Variants in PEPD observed in about 807,000 individuals in gnomAD.
The protein encoded by PEPD is xaa-Pro dipeptidase.
A neutral mutation model predicts 60.7 loss-of-function variants in PEPD; 53 were observed. That is an observed-to-expected ratio of 0.87 (90% confidence interval 0.70 to 1.10). The LOEUF is 1.10. Among genes scored for constraint, PEPD ranks in the 50% least tolerant of loss-of-function variants. The probability of loss-of-function intolerance (pLI) is 0.00; values close to 1 mark genes in which losing one functional copy is unlikely to be tolerated. For synonymous variants in PEPD, 267 were observed against 284.1 expected, an observed-to-expected ratio of 0.94 and a Z score of 0.60; for missense variants, 711 against 711.9, an observed-to-expected ratio of 1.00 and a Z score of 0.01.
intron 4 of PEPD, among the ~76,000 whole-genome samples, chr19:33,496,048 C>T (rs1284335721): frequency 6.6e-6 from 1 of 152,122 alleles, no homozygotes; most frequent in East Asian, 1.9e-4. Flanking sequence ...TCAGCCCCTC[C>T]TGAAGGAAGG....
chr19:33,402,716 CAG>C (rs1036292826), intron 11 of PEPD, among the ~76,000 whole-genome samples: 1 of 152,220 alleles, frequency 6.6e-6, no homozygotes, highest in African/African-American at 2.4e-5. Context: ...CGGTGGCAGG[CAG>C]AGACCAGCAG....
rs549613186 is a variant in PEPD, at chr19:33,486,350, G to C, written c.503+3646C>G. Reference sequence around the variant, plus strand: ...CCTGCCAGAGCCCGCAGCAAAGCCTGCTCTTCCCAAATCTTCCTTGGGACT... The same window carrying C: ...CCTGCCAGAGCCCGCAGCAAAGCCTCCTCTTCCCAAATCTTCCTTGGGACT... On this transcript the variant is annotated intron_variant, in intron 6 of 14. Coordinates refer to ENST00000244137, the MANE Select transcript of PEPD (RefSeq NM_000285.4). 6.9e-4 allele frequency among the ~76,000 whole-genome samples: 104 copies of C among 150,308 alleles called. 1 individual carries two copies. In the South Asian group the frequency reaches 0.018, roughly 27 times the overall value.
At chr19:33,480,813 C>CAT (rs112166206) in intron 6 of PEPD, among the ~76,000 whole-genome samples, 3 of 127,748 alleles carry the variant, frequency 2.3e-5, no homozygotes, top group African/African-American at 9.8e-5. Flanking sequence ...ATATATATAG[C>CAT]GTGTGTGTGT....
chr19:33,441,601 A>G (rs1050488177), intron 9 of PEPD, among the ~76,000 whole-genome samples: 1 of 152,202 alleles, frequency 6.6e-6, no homozygotes, highest in African/African-American at 2.4e-5. Context: ...CCCTTCACTC[A>G]GGAGCATTTA....
At chr19:33,463,105 T>C in intron 8 of PEPD, 64 bp from the exon 9 acceptor site, 2 of 962,288 alleles carry the variant, frequency 2.1e-6, no homozygotes, top group Non-Finnish European at 3.4e-6. Flanking sequence ...GCGTGATAAA[T>C]AACATACAGC....
At chr19:33,388,273 C>T (rs1435506442) in intron 13 of PEPD, 192 bp from the exon 14 acceptor site, 2 of 697,768 alleles carry the variant, frequency 2.9e-6, no homozygotes, top group East Asian at 2.7e-5. Context: ...CTGCACATAC[C>T]CCTGGATCTT....
intron 6 of PEPD, among the ~76,000 whole-genome samples, chr19:33,480,936 A>C (rs939972931): frequency 1.3e-5 from 2 of 152,162 alleles, no homozygotes; most frequent in Non-Finnish European, 1.5e-5. Flanking sequence ...TCCAGGATAC[A>C]CTTTATGTTA....
At position 33,387,498 on chromosome 19, in the gene PEPD, GAC is replaced by G. The variant is rs750965279; in HGVS notation, c.1345-19_1345-18del. The stretch of plus-strand genomic sequence containing the variant: ...GATGCGGACCTGGGTCAAGCCGACA[GAC>G]ACACATTATCATAGAGCAGCCTCAT... On this transcript the variant is annotated intron_variant, in intron 14 of 14. Coordinates refer to ENST00000244137, the MANE Select transcript of PEPD (RefSeq NM_000285.4). 32 of 1,613,030 alleles carry G rather than the reference GAC, an allele frequency of 2.0e-5. No homozygotes were observed. In the African/African-American group the frequency reaches 3.5e-4, roughly 17 times the overall value.
chr19:33,494,708 C>T (rs374029269), intron 4 of PEPD, among the ~76,000 whole-genome samples: 5 of 152,160 alleles, frequency 3.3e-5, no homozygotes, highest in East Asian at 1.9e-4. Flanking sequence ...TTTAACCACA[C>T]GGGGAGACAG....
At chr19:33,396,386 T>C (rs1390565414) in intron 12 of PEPD, among the ~76,000 whole-genome samples, 2 of 151,850 alleles carry the variant, frequency 1.3e-5, no homozygotes, top group African/African-American at 4.8e-5. Flanking sequence ...GCTGGGCCCC[T>C]CTCCCAGCCA....
chr19:33,444,360 AG>A (rs1330646628), intron 9 of PEPD, among the ~76,000 whole-genome samples: 3 of 151,772 alleles, frequency 2.0e-5, no homozygotes, highest in African/African-American at 7.3e-5. Flanking sequence ...AGAGCCTCAG[AG>A]GTTTAAGCAG....
intron 1 of PEPD, among the ~76,000 whole-genome samples, chr19:33,516,781 A>G (rs1345536845): frequency 2.0e-5 from 3 of 152,194 alleles, no homozygotes; most frequent in African/African-American, 7.2e-5. Flanking sequence ...TTATTAACAT[A>G]AGCAACAAAC....
intron 9 of PEPD, among the ~76,000 whole-genome samples, chr19:33,435,028 C>T (rs374098259): frequency 2.6e-5 from 4 of 152,208 alleles, no homozygotes; most frequent in East Asian, 1.9e-4. Context: ...AAGTGTGAGC[C>T]GGAATGCGAT....
At chr19:33,418,759 C>A (rs1293395454) in intron 9 of PEPD, among the ~76,000 whole-genome samples, 3 of 152,164 alleles carry the variant, frequency 2.0e-5, no homozygotes, top group African/African-American at 7.2e-5. Flanking sequence ...CTTCCCCAGG[C>A]CCCAGCATGA....
At chr19:33,475,342 G>C (rs1169265536) in intron 7 of PEPD, among the ~76,000 whole-genome samples, 4 of 151,780 alleles carry the variant, frequency 2.6e-5, no homozygotes, top group Non-Finnish European at 4.4e-5. Flanking sequence ...TGTTAATAAA[G>C]GACCCGCCCG....
chr19:33,506,703 GCACA>G (rs576258613), intron 3 of PEPD, among the ~76,000 whole-genome samples: 1 of 123,822 alleles, frequency 8.1e-6, no homozygotes. Context: ...ACACAACACA[GCACA>G]CACACACTCC....
At chr19:33,406,508 T>A (rs1042290189) in intron 11 of PEPD, among the ~76,000 whole-genome samples, 2 of 152,212 alleles carry the variant, frequency 1.3e-5, no homozygotes, top group African/African-American at 4.8e-5. Flanking sequence ...AGGGCAGGGC[T>A]GGCTGGTGAC....
Position 33,448,587 on chromosome 19 carries a change from C to CT in PEPD, c.671+14407dup, listed in dbSNP as rs200213515. 3.3e-3 allele frequency among the ~76,000 whole-genome samples: 503 copies of CT among 152,070 alleles called. 4 individuals are homozygous for CT. Among genetic ancestry groups the CT allele is most frequent in the Non-Finnish European group, 3.5e-3 (237 of 67,968 alleles). On this transcript the variant is annotated intron_variant, in intron 9 of 14. Transcript: ENST00000244137. Reference sequence around the variant, plus strand: ...TGAAATACATGACCCTTTCGACTATCTTTTTTTTCTCTTTTGATAGAGATG... The same window carrying CT: ...TGAAATACATGACCCTTTCGACTATCTTTTTTTTTCTCTTTTGATAGAGATG...
chr19:33,511,141 G>C lies in PEPD; in HGVS notation c.216C>G (p.His72Gln). The change falls in exon 3 of 15, where the codon CAC (histidine) becomes CAG (glutamine). Residue 72 changes from histidine to glutamine, a missense_variant. Transcript: ENST00000244137. ...CTGGCTCAGTGACACCGAACGCCCA[G>C]TGAAAGAAGGACTCCTGTGGCGGGA... ...GVLFRQESFFHWAFGVTEPGC... is the reference protein window; with the variant it reads ...GVLFRQESFFQWAFGVTEPGC... The C allele has an allele frequency of 6.2e-7, 1 of 1,614,062 alleles. No individual in the cohort carries two copies. Among genetic ancestry groups the C allele is most frequent in the Non-Finnish European group, 8.5e-7 (1 of 1,179,942 alleles).
Sources: allele counts gnomAD v4.1 joint callset (sites outside exome capture counted in the v4.1 genomes callset), GRCh38; gene constraint gnomAD v4.1.1; transcripts MANE v1.5; gene names NCBI Gene and HGNC (gene_info 2026-07-23, HGNC 2026-07-21).